FAM149A: variants seen among roughly 807,000 people sequenced by gnomAD.
FAM149A encodes protein FAM149A.
In FAM149A, 71 loss-of-function variants were observed where a neutral mutation model predicts 78.2. That is an observed-to-expected ratio of 0.91 (90% CI 0.75 to 1.11). The LOEUF is 1.11. Among genes scored for constraint, FAM149A ranks in the 50% least tolerant of loss-of-function variants. The pLI is 0.00. For synonymous variants in FAM149A, 446 were observed against 410.5 expected, an observed-to-expected ratio of 1.09 and a Z score of -1.04; for missense variants, 1,036 against 971.0, an observed-to-expected ratio of 1.07 and a Z score of -0.89.
In FAM149A at chr4:186,119,259, A is replaced by G. The variant is rs75532432; in HGVS notation, c.566+13617A>G. 1.2e-4 allele frequency among the ~76,000 whole-genome samples: 19 copies of G among 152,294 alleles called. No homozygotes were observed. In the East Asian group the frequency reaches 3.5e-3, roughly 28 times the overall value. On this transcript the variant is annotated intron_variant, in intron 1 of 13. Coordinates refer to ENST00000389354, the MANE Select transcript of FAM149A (RefSeq NM_001367768.3). ...AACAGGACATGATTTTCTAGACACC[A>G]TGTACTACGTAGTACTCGTCAAGCA... is the stretch of plus-strand genomic sequence containing the variant.
At chr4:186,118,473 T>G (rs1267614272) in intron 1 of FAM149A, 1 of 152,702 alleles carries the variant, frequency 6.5e-6, no homozygotes, top group Non-Finnish European at 1.5e-5. Flanking sequence ...ATTTTGAGGA[T>G]TTTTATCATT....
At chr4:186,136,976 T>TTCTCTCTCTCTCTCTCTCTCTC (rs70964917) in intron 1 of FAM149A, among the ~76,000 whole-genome samples, 1 of 72,118 alleles carries the variant, frequency 1.4e-5, no homozygotes, top group Non-Finnish European at 2.6e-5. Flanking sequence ...CTCTCTCTCT[T>TTCTCTCTCTCTCTCTCTCTCTC]TCTCTCTCTC....
intron 9 of FAM149A, 100 bp downstream of exon 9, chr4:186,163,048 T>C (rs767071063): frequency 8.1e-6 from 6 of 742,830 alleles, no homozygotes; most frequent in Non-Finnish European, 1.4e-5. Flanking sequence ...GAAGGTCCCA[T>C]TTAATCCCGT....
Position 186,172,075 on chromosome 4 carries a change from CTG to C in FAM149A, c.*94_*95del. 1 of 1,546,194 alleles carries C rather than the reference CTG, an allele frequency of 6.5e-7. No homozygotes were observed. The highest frequency in any genetic ancestry group is 8.7e-7 in the Non-Finnish European group (1 of 1,149,114). On this transcript the variant is annotated 3_prime_UTR_variant, in exon 14 of 14. Coordinates refer to ENST00000389354, the MANE Select transcript of FAM149A (RefSeq NM_001367768.3). Reference sequence around the variant, plus strand: ...ATGGAGGAACAAGTGTTATATTTATCTGTGTGTCTGACAGTGTGAGATGTTAG... The same window carrying C: ...ATGGAGGAACAAGTGTTATATTTATCTGTGTCTGACAGTGTGAGATGTTAG...
intron 1 of FAM149A, chr4:186,132,050 C>CA (rs2099320968): frequency 1.0e-6 from 1 of 985,424 alleles, no homozygotes; most frequent in Non-Finnish European, 1.2e-6. Flanking sequence ...ACACAAAACA[C>CA]AAAATAGCTC....
At chr4:186,123,281 T>C (rs918158834) in intron 1 of FAM149A, 6 of 985,042 alleles carry the variant, frequency 6.1e-6, no homozygotes, top group Non-Finnish European at 7.2e-6. Flanking sequence ...GTATGGTTGT[T>C]AGTTTATGTA....
At chr4:186,116,713 T>C in intron 1 of FAM149A, 3 of 970,048 alleles carry the variant, frequency 3.1e-6, no homozygotes, top group Non-Finnish European at 3.7e-6. Flanking sequence ...TTCTCCTGCC[T>C]CAGACTTCTG....
At chr4:186,109,192 A>G in intron 1 of FAM149A, 1 of 985,294 alleles carries the variant, frequency 1.0e-6, no homozygotes, top group Non-Finnish European at 1.2e-6. Context: ...ATTCCTAGCA[A>G]TACGTAAGGT....
At position 186,126,746 on chromosome 4, in the gene FAM149A, A is replaced by G. The variant is rs368207495; in HGVS notation, c.566+21104A>G. Reference sequence around the variant, plus strand: ...ACACCACTGGCTTTCCTGGTTCTTCAGCTCGCAGATGGCAGATGATGCGAC... The same window carrying G: ...ACACCACTGGCTTTCCTGGTTCTTCGGCTCGCAGATGGCAGATGATGCGAC... On this transcript the variant is annotated intron_variant, in intron 1 of 13. Transcript: ENST00000389354. 29 of 376,662 alleles carry G rather than the reference A, an allele frequency of 7.7e-5. No homozygotes were observed. The East Asian group carries it at 3.5e-3, about 45-fold the overall frequency. The allele number at this position is 376,662 out of a possible 1,614,324, so 23.3% of individuals were successfully genotyped here.
At chr4:186,170,262 C>T (rs1454468938) in intron 13 of FAM149A, among the ~76,000 whole-genome samples, 1 of 152,258 alleles carries the variant, frequency 6.6e-6, no homozygotes, top group South Asian at 2.1e-4. Flanking sequence ...GAAGTCCTAG[C>T]TCTGCTGCTG....
Position 186,143,571 on chromosome 4 carries a change from G to C in FAM149A, c.567-5602G>C, listed in dbSNP as rs536702939. ...TGTTTGTGTTTGTTTTTTTGAGACA[G>C]AGTCTCCCTCTGTCGCCCAGCCTGG... On this transcript the variant is annotated intron_variant, in intron 1 of 13. Coordinates refer to ENST00000389354, the MANE Select transcript of FAM149A (RefSeq NM_001367768.3). Among the ~76,000 whole-genome samples the C allele has an allele frequency of 1.9e-4, 29 of 152,152 alleles. 2 individuals carry two copies. In the South Asian group the frequency reaches 5.8e-3, roughly 31 times the overall value.
chr4:186,153,027 T>C (rs916099205), intron 4 of FAM149A, among the ~76,000 whole-genome samples: 10 of 152,036 alleles, frequency 6.6e-5, no homozygotes, highest in African/African-American at 2.4e-4. Flanking sequence ...TAGGGTTGTT[T>C]TTTTTTTTCT....
intron 3 of FAM149A, chr4:186,151,066 G>A (rs774947062): frequency 2.1e-5 from 21 of 985,024 alleles, no homozygotes; most frequent in African/African-American, 5.2e-5. Context: ...GCTTCTGTCC[G>A]CAGCTGTGCA....
intron 3 of FAM149A, 178 bp from the exon 4 acceptor site, chr4:186,151,725 T>C (rs978755324): frequency 2.0e-6 from 2 of 985,242 alleles, no homozygotes; most frequent in African/African-American, 3.5e-5. Flanking sequence ...TGAGATGGCA[T>C]TTCTCAGAAA....
chr4:186,134,625 G>A (rs1414417517), intron 1 of FAM149A, among the ~76,000 whole-genome samples: 2 of 152,158 alleles, frequency 1.3e-5, no homozygotes, highest in Non-Finnish European at 2.9e-5. Context: ...GAATCTGACA[G>A]TTTTGTTGTT....
intron 4 of FAM149A, among the ~76,000 whole-genome samples, chr4:186,152,725 TA>T (rs1162457934): frequency 6.6e-6 from 1 of 151,766 alleles, no homozygotes; most frequent in Non-Finnish European, 1.5e-5. Context: ...TTTTTATTTT[TA>T]GTAGAGACGG....
chr4:186,136,955 TCTCTCTCTTTCTCTCTCTCTTTCTCTCTC>T (rs1561396207), intron 1 of FAM149A, among the ~76,000 whole-genome samples: 2 of 105,524 alleles, frequency 1.9e-5, no homozygotes. Flanking sequence ...TCTCTCTCTC[TCTCTCTCTTTCTCTCTCTCTTTCTCTCTC>T]TCTCTCTCTC....
chr4:186,133,611 G>A (rs1579828162), intron 1 of FAM149A, among the ~76,000 whole-genome samples: 1 of 152,210 alleles, frequency 6.6e-6, no homozygotes, highest in East Asian at 1.9e-4. Flanking sequence ...TTCTTCTGTT[G>A]ATGGACATTT....
intron 1 of FAM149A, among the ~76,000 whole-genome samples, chr4:186,127,885 A>G (rs2099319041): frequency 1.3e-5 from 2 of 149,212 alleles, no homozygotes; most frequent in South Asian, 4.2e-4. Context: ...ACAGGGTTTC[A>G]CCATGTTGGC....
Sources: allele counts gnomAD v4.1 joint callset (sites outside exome capture counted in the v4.1 genomes callset), GRCh38; gene constraint gnomAD v4.1.1; transcripts MANE v1.5; gene names NCBI Gene and HGNC (gene_info 2026-07-23, HGNC 2026-07-21).